Variants in ATP8B4 observed in about 807,000 individuals in gnomAD.
The protein encoded by ATP8B4 is ATPase phospholipid transporting 8B4 (putative), also known as probable phospholipid-transporting ATPase IM.
In ATP8B4, 133 loss-of-function variants were observed where a neutral mutation model predicts 145.6. That is an observed-to-expected ratio of 0.91 (90% confidence interval 0.79 to 1.05). The LOEUF (loss-of-function observed/expected upper bound fraction) is 1.05. Among genes scored for constraint, ATP8B4 ranks in the 50% least tolerant of loss-of-function variants. The pLI, the probability that ATP8B4 is intolerant of heterozygous loss-of-function variation, is 0.00. For synonymous variants in ATP8B4, 507 were observed against 492.9 expected, an observed-to-expected ratio of 1.03 and a Z score of -0.38; for missense variants, 1,458 against 1,425.2, an observed-to-expected ratio of 1.02 and a Z score of -0.37.
chr15:50,046,200 A>G (rs2051704457), intron 4 of ATP8B4, among the ~76,000 whole-genome samples: 1 of 152,162 alleles, frequency 6.6e-6, no homozygotes, highest in South Asian at 2.1e-4. Flanking sequence ...CTCCAATCAG[A>G]ACTAATCTCA....
At chr15:50,177,497 T>G (rs2044781459) in intron 1 of ATP8B4, among the ~76,000 whole-genome samples, 1 of 152,194 alleles carries the variant, frequency 6.6e-6, no homozygotes, top group Admixed American at 6.5e-5. Context: ...GCTGGAAGAT[T>G]TAAAGGAAAA....
At chr15:49,918,814 T>C in intron 19 of ATP8B4, 25 bp downstream of exon 19, 1 of 1,530,188 alleles carries the variant, frequency 6.5e-7, no homozygotes, top group Non-Finnish European at 9.0e-7. Context: ...TTTCAAAATA[T>C]CATCAACATC....
chr15:49,861,711 A>G lies in ATP8B4; in HGVS notation c.3297+534T>C, dbSNP rs190241094. Among the ~76,000 whole-genome samples the G allele has an allele frequency of 2.2e-3, 333 of 152,290 alleles. 1 individual carries two copies. Among genetic ancestry groups the G allele is most frequent in the African/African-American group, 7.8e-3 (324 of 41,548 alleles). Reference sequence around the variant, plus strand: ...ATTCTCCAGTTAAGGAATTTCTATAACCTGTTCTTCCTATTTTCCTTCCAA... The same window carrying G: ...ATTCTCCAGTTAAGGAATTTCTATAGCCTGTTCTTCCTATTTTCCTTCCAA... On this transcript the variant is annotated intron_variant, in intron 27 of 27. Transcript: ENST00000284509.
intron 3 of ATP8B4, among the ~76,000 whole-genome samples, chr15:50,050,982 G>A (rs1257121681): frequency 6.6e-6 from 1 of 152,076 alleles, no homozygotes; most frequent in African/African-American, 2.4e-5. Context: ...TGTTTTTTTA[G>A]AGTCCAGTCA....
intron 13 of ATP8B4, among the ~76,000 whole-genome samples, chr15:49,966,685 G>T (rs72734842): frequency 6.6e-6 from 1 of 152,154 alleles, no homozygotes; most frequent in Non-Finnish European, 1.5e-5. Context: ...GTGGCTGTGC[G>T]CGCAGCGTCA....
At chr15:49,978,157 C>T (rs1228370558) in intron 12 of ATP8B4, among the ~76,000 whole-genome samples, 1 of 152,146 alleles carries the variant, frequency 6.6e-6, no homozygotes, top group Non-Finnish European at 1.5e-5. Context: ...TTTGTGAGGA[C>T]ATATGAAACT....
At chr15:50,105,689 A>T (rs954288243) in intron 2 of ATP8B4, among the ~76,000 whole-genome samples, 2 of 152,198 alleles carry the variant, frequency 1.3e-5, no homozygotes, top group African/African-American at 4.8e-5. Flanking sequence ...AGGTGGCATG[A>T]TTACAGCGAC....
intron 23 of ATP8B4, among the ~76,000 whole-genome samples, chr15:49,881,103 C>T (rs1392290804): frequency 6.8e-6 from 1 of 146,104 alleles, no homozygotes; most frequent in Non-Finnish European, 1.5e-5. Context: ...CAAAGCAAGA[C>T]TCCGTCTCAA....
Position 50,038,821 on chromosome 15 carries a change from G to A in ATP8B4, c.309C>T (p.His103=). Residue 103 remains histidine (H), a synonymous_variant, in exon 6 of 28, where the codon CAC becomes CAT. Transcript: ENST00000284509. ...GATTATTCACTTGATTATCACTCTT[G>A]TGGCGAAACTGAAAAATCAAAGTGT... The part of the protein sequence containing the change: ...VKDATDDYFR[H]KSDNQVNNRQ... 6.2e-7 allele frequency: 1 copy of A among 1,613,486 alleles called. No homozygotes were observed.
chr15:50,174,946 C>G (rs2044740220), intron 1 of ATP8B4, among the ~76,000 whole-genome samples: 1 of 152,118 alleles, frequency 6.6e-6, no homozygotes, highest in South Asian at 2.1e-4. Flanking sequence ...TAAAAATAGG[C>G]ACATAGATTC....
intron 26 of ATP8B4, among the ~76,000 whole-genome samples, chr15:49,865,545 C>T (rs749127342): frequency 7.2e-5 from 11 of 152,174 alleles, no homozygotes; most frequent in African/African-American, 9.7e-5. Flanking sequence ...TCATGCGGAA[C>T]TTAGCCCTCA....
chr15:49,950,659 T>C (rs62020965), intron 14 of ATP8B4, among the ~76,000 whole-genome samples: 31,555 of 147,884 alleles, frequency 0.21, 4,635 homozygotes, highest in Non-Finnish European at 0.31. Context: ...AGCTCCTGGA[T>C]TCGTTGATTT....
At chr15:50,037,775 A>C (rs553453419) in intron 6 of ATP8B4, among the ~76,000 whole-genome samples, 28 of 152,340 alleles carry the variant, frequency 1.8e-4, no homozygotes, top group African/African-American at 6.3e-4. Flanking sequence ...GTTTTAACTT[A>C]AGATCATTTT....
intron 3 of ATP8B4, among the ~76,000 whole-genome samples, chr15:50,073,778 G>A (rs935524691): frequency 6.6e-6 from 1 of 152,030 alleles, no homozygotes; most frequent in Non-Finnish European, 1.5e-5. Context: ...ACTAGCTAAC[G>A]TCACTACATC....
At chr15:49,948,679 T>G (rs891347487) in intron 14 of ATP8B4, among the ~76,000 whole-genome samples, 4 of 152,238 alleles carry the variant, frequency 2.6e-5, no homozygotes, top group Non-Finnish European at 5.9e-5. Context: ...TTTACGTTCC[T>G]TGTAAATTAT....
intron 1 of ATP8B4, among the ~76,000 whole-genome samples, chr15:50,144,737 T>C (rs2044254869): frequency 1.3e-5 from 2 of 149,004 alleles, no homozygotes; most frequent in African/African-American, 4.9e-5. Context: ...ATGACATCAT[T>C]TGCAATTACC....
intron 26 of ATP8B4, among the ~76,000 whole-genome samples, chr15:49,864,145 A>G (rs1183940488): frequency 1.3e-5 from 2 of 152,236 alleles, no homozygotes; most frequent in Admixed American, 6.5e-5. Flanking sequence ...CTTTTGGTAA[A>G]CAACGTATTA....
chr15:50,129,217 A>G (rs2057328131), intron 1 of ATP8B4, among the ~76,000 whole-genome samples: 1 of 152,136 alleles, frequency 6.6e-6, no homozygotes, highest in African/African-American at 2.4e-5. Flanking sequence ...AGTCAAATTC[A>G]TATCAAGAAC....
rs2047941847 is a variant in ATP8B4, at chr15:50,002,142, T to G, written c.506+11A>C. 2 of 1,591,670 alleles carry G rather than the reference T, an allele frequency of 1.3e-6. No homozygotes were observed. Among genetic ancestry groups the G allele is most frequent in the South Asian group, 2.2e-5 (2 of 89,566 alleles). ...AAAACCAACCAAATTATTCTAATTT[T>G]AATAACTTACCCATCAAGCTCAGCA... On this transcript the variant is annotated intron_variant, in intron 8 of 27. Coordinates refer to ENST00000284509, the MANE Select transcript of ATP8B4 (RefSeq NM_024837.4).
Sources: gnomAD v4.1 joint callset for allele counts (sites outside exome capture counted in the v4.1 genomes callset) on GRCh38, gnomAD v4.1.1 for gene constraint, MANE v1.5 for transcripts, NCBI Gene and HGNC (gene_info 2026-07-23, HGNC 2026-07-21) for gene names.